GBF1: variants seen among roughly 807,000 people sequenced by gnomAD.
GBF1 encodes the protein Golgi-specific brefeldin A-resistance guanine nucleotide exchange factor 1.
In GBF1, 114 loss-of-function variants were observed where a neutral mutation model predicts 210.5. The ratio of observed to expected loss-of-function variants is 0.54; its 90% CI spans 0.47 to 0.63. GBF1 has a LOEUF of 0.63. GBF1 is among the 30% of genes least tolerant of loss of function. The probability of loss-of-function intolerance (pLI) is 0.00; values close to 1 mark genes in which losing one functional copy is unlikely to be tolerated. For missense variants in GBF1, 1,851 were observed against 2,357.7 expected (o/e 0.79, Z 4.45); for synonymous variants, 850 against 889.2 (o/e 0.96, Z 0.78).
Position 102,344,233 on chromosome 10 carries a change from T to G in GBF1, c.295+51T>G, listed in dbSNP as rs751737831. On this transcript the variant is annotated intron_variant, in intron 4 of 39. Coordinates refer to ENST00000369983, the MANE Select transcript of GBF1 (RefSeq NM_001377137.1). The stretch of plus-strand genomic sequence containing the variant: ...ACCACAGCACTTCATTTCCCACCTT[T>G]CCTGGGGTGCCCAGGCCTTAGGCAA... 9 of 1,587,504 alleles carry G rather than the reference T, an allele frequency of 5.7e-6. No homozygotes were observed. In the South Asian group the frequency reaches 8.9e-5, roughly 16 times the overall value.
chr10:102,297,227 C>A (rs986811722), intron 3 of GBF1, among the ~76,000 whole-genome samples: 2 of 152,074 alleles, frequency 1.3e-5, no homozygotes, highest in African/African-American at 4.8e-5. Context: ...AAATTTAATT[C>A]TTTTCTCTAA....
intron 20 of GBF1, 70 bp downstream of exon 20, chr10:102,367,280 A>T: frequency 1.3e-6 from 2 of 1,511,684 alleles, no homozygotes; most frequent in Non-Finnish European, 1.8e-6. Context: ...AGGACATAGG[A>T]TTTCCAGTGG....
chr10:102,382,032 G>A lies in GBF1; in HGVS notation c.5303-24G>A, dbSNP rs781740545. On this transcript the variant is annotated intron_variant, in intron 39 of 39. Coordinates refer to ENST00000369983, the MANE Select transcript of GBF1 (RefSeq NM_001377137.1). ...CTTGTACCAACAAGGGAATCTGACT[G>A]TAACCACCTTGCTTTCCCTACAGAC... 6 of 1,520,438 alleles carry A rather than the reference G, an allele frequency of 3.9e-6. No homozygotes were observed. The East Asian group carries it at 6.8e-5, about 17-fold the overall frequency. 94.2% of individuals were successfully genotyped at this position (1,520,438 alleles called of 1,614,324 possible).
chr10:102,332,633 C>T (rs1373897662), intron 3 of GBF1, among the ~76,000 whole-genome samples: 1 of 152,126 alleles, frequency 6.6e-6, no homozygotes, highest in African/African-American at 2.4e-5. Flanking sequence ...ATTCGCCCAC[C>T]TTTGCCTACC....
chr10:102,249,801 C>T (rs2071282062), intron 1 of GBF1, among the ~76,000 whole-genome samples: 2 of 151,698 alleles, frequency 1.3e-5, no homozygotes, highest in African/African-American at 4.8e-5. Context: ...AAGCAATTCT[C>T]CTGCCTTAGC....
At chr10:102,295,914 A>C (rs1307272266) in intron 3 of GBF1, among the ~76,000 whole-genome samples, 1 of 152,190 alleles carries the variant, frequency 6.6e-6, no homozygotes, top group East Asian at 1.9e-4. Context: ...TTTGTTTGGC[A>C]TATTCTGTTA....
At chr10:102,380,942 A>G (rs561930836) in intron 38 of GBF1, among the ~76,000 whole-genome samples, 185 bp from the exon 39 acceptor site, 1 of 152,110 alleles carries the variant, frequency 6.6e-6, no homozygotes, top group African/African-American at 2.4e-5. Flanking sequence ...CGGGAAGTGG[A>G]GGTTGCAGTG....
chr10:102,379,706 C>T, intron 35 of GBF1, 55 bp downstream of exon 35: 1 of 1,603,542 alleles, frequency 6.2e-7, no homozygotes, highest in South Asian at 1.1e-5. Context: ...AAAGGAAAGC[C>T]AGGCAGCCTG....
chr10:102,380,399 C>T (rs1294811164), intron 37 of GBF1, 37 bp downstream of exon 37: 4 of 1,577,580 alleles, frequency 2.5e-6, no homozygotes, highest in Non-Finnish European at 3.5e-6. Context: ...TGCCTCCTGT[C>T]CCACCTGTTG....
intron 5 of GBF1, 71 bp from the exon 6 acceptor site, chr10:102,351,772 C>A (rs1287561117): frequency 3.4e-6 from 3 of 876,210 alleles, no homozygotes; most frequent in Middle Eastern, 4.3e-4. Context: ...TTCTTGCTAA[C>A]CCCTCTCTCT....
chr10:102,339,885 C>CA (rs1298650440), intron 3 of GBF1, among the ~76,000 whole-genome samples: 1 of 151,648 alleles, frequency 6.6e-6, no homozygotes, highest in Non-Finnish European at 1.5e-5. Context: ...CTCCCAGGCT[C>CA]AAGCAATCCT....
At chr10:102,379,806 G>T in intron 35 of GBF1, 47 bp from the exon 36 acceptor site, 1 of 1,518,010 alleles carries the variant, frequency 6.6e-7, no homozygotes. Flanking sequence ...GGGCAAGGCT[G>T]CCTAGCTGAA....
chr10:102,347,229 C>A (rs2058636434), intron 4 of GBF1, among the ~76,000 whole-genome samples: 1 of 152,190 alleles, frequency 6.6e-6, no homozygotes, highest in Non-Finnish European at 1.5e-5. Context: ...AGCAAGAAAA[C>A]CCTTTATTCT....
intron 3 of GBF1, among the ~76,000 whole-genome samples, chr10:102,298,449 T>C (rs1565077354): frequency 1.3e-5 from 2 of 152,204 alleles, no homozygotes; most frequent in Non-Finnish European, 2.9e-5. Context: ...TAGCATCATA[T>C]TATATCATGA....
intron 3 of GBF1, among the ~76,000 whole-genome samples, chr10:102,271,973 G>C (rs1330833600): frequency 2.0e-5 from 3 of 151,834 alleles, no homozygotes; most frequent in African/African-American, 7.3e-5. Flanking sequence ...GGCCTGTCTT[G>C]AACTCCTGAG....
At chr10:102,378,911 G>A (rs2060671128) in intron 33 of GBF1, among the ~76,000 whole-genome samples, 1 of 152,200 alleles carries the variant, frequency 6.6e-6, no homozygotes, top group Non-Finnish European at 1.5e-5. Context: ...TCCAGCCTGG[G>A]TGACAGAGTG....
intron 3 of GBF1, among the ~76,000 whole-genome samples, chr10:102,264,018 A>G (rs938394001): frequency 2.0e-5 from 3 of 152,166 alleles, no homozygotes; most frequent in Admixed American, 1.3e-4. Context: ...ATGGAGAGTG[A>G]CTGCTAATGG....
At chr10:102,293,762 A>ATTTTTTTTTTTTTT (rs1565071251) in intron 3 of GBF1, among the ~76,000 whole-genome samples, 1 of 44,572 alleles carries the variant, frequency 2.2e-5, no homozygotes, top group Non-Finnish European at 4.2e-5. Flanking sequence ...CAGCTGTAGT[A>ATTTTTTTTTTTTTT]TGTTTTGTGT....
intron 2 of GBF1, among the ~76,000 whole-genome samples, chr10:102,259,312 AT>A (rs1481986263): frequency 2.0e-5 from 3 of 152,218 alleles, no homozygotes; most frequent in African/African-American, 7.2e-5. Flanking sequence ...GCCTAAAAGT[AT>A]CAGAAAGATT....
Sources: gnomAD v4.1 joint callset for allele counts (sites outside exome capture counted in the v4.1 genomes callset) on GRCh38, gnomAD v4.1.1 for gene constraint, MANE v1.5 for transcripts, NCBI Gene and HGNC (gene_info 2026-07-23, HGNC 2026-07-21) for gene names.